Variants in GLRA3 observed in about 807,000 individuals in gnomAD.
The protein encoded by GLRA3 is glycine receptor subunit alpha-3.
Under a neutral mutation model 60.4 loss-of-function variants are expected in GLRA3, and 44 were observed. The observed-to-expected ratio is 0.73, with a 90% CI of 0.57 to 0.94. GLRA3 has a LOEUF of 0.94. Ranked by LOEUF, GLRA3 falls within the 40% of genes least tolerant of loss-of-function variation. GLRA3 has a pLI of 0.00. For missense variants in GLRA3, 508 were observed against 564.6 expected (o/e 0.90, Z 1.02); for synonymous variants, 223 against 192.9 (o/e 1.16, Z -1.29).
At chr4:174,797,664 T>C (rs566953564) in intron 1 of GLRA3, among the ~76,000 whole-genome samples, 1 of 152,164 alleles carries the variant, frequency 6.6e-6, no homozygotes, top group East Asian at 1.9e-4. Flanking sequence ...GCTGGGTGCA[T>C]TGGCTCACAC....
chr4:174,733,609 C>A (rs184674255), intron 3 of GLRA3, among the ~76,000 whole-genome samples: 2 of 152,318 alleles, frequency 1.3e-5, no homozygotes, highest in Admixed American at 1.3e-4. Flanking sequence ...GAAACCATCT[C>A]TATAGCCCAA....
At chr4:174,815,990 G>T (rs1255284322) in intron 1 of GLRA3, among the ~76,000 whole-genome samples, 1 of 152,100 alleles carries the variant, frequency 6.6e-6, no homozygotes, top group Admixed American at 6.5e-5. Flanking sequence ...CTTTTATGTT[G>T]TCTCCCTTTT....
chr4:174,662,398 G>C (rs1428592374), intron 7 of GLRA3, among the ~76,000 whole-genome samples: 1 of 152,124 alleles, frequency 6.6e-6, no homozygotes, highest in African/African-American at 2.4e-5. Flanking sequence ...GTGGATCTGG[G>C]AGAACAGAAT....
intron 7 of GLRA3, among the ~76,000 whole-genome samples, chr4:174,676,225 ATT>A (rs1168981444): frequency 6.6e-6 from 1 of 152,110 alleles, no homozygotes; most frequent in Non-Finnish European, 1.5e-5. Flanking sequence ...GAACAATTTT[ATT>A]TTAATTCTGG....
At chr4:174,689,731 A>T in intron 5 of GLRA3, among the ~76,000 whole-genome samples, 1 of 143,706 alleles carries the variant, frequency 7.0e-6, no homozygotes, top group Non-Finnish European at 1.5e-5. Flanking sequence ...GCCCCACTTA[A>T]AAGGCACAGA....
chr4:174,649,836 TAA>T (rs928051350), intron 9 of GLRA3, among the ~76,000 whole-genome samples: 1 of 144,262 alleles, frequency 6.9e-6, no homozygotes, highest in African/African-American at 2.7e-5. Flanking sequence ...GTCTCATTGG[TAA>T]AAAAAAAAGT....
At chr4:174,743,104 A>G (rs188899873) in intron 3 of GLRA3, among the ~76,000 whole-genome samples, 1 of 152,318 alleles carries the variant, frequency 6.6e-6, no homozygotes, top group Admixed American at 6.5e-5. Context: ...GTTGCAGAAA[A>G]TAAGAGTTTC....
intron 5 of GLRA3, among the ~76,000 whole-genome samples, chr4:174,699,632 A>C (rs1048009623): frequency 6.6e-6 from 1 of 152,270 alleles, no homozygotes; most frequent in African/African-American, 2.4e-5. Context: ...AATGTGGTAT[A>C]TCTTTTGGAT....
intron 2 of GLRA3, among the ~76,000 whole-genome samples, chr4:174,779,620 G>T (rs1738781087): frequency 6.6e-6 from 1 of 152,156 alleles, no homozygotes; most frequent in Non-Finnish European, 1.5e-5. Flanking sequence ...GTGCTTAAAG[G>T]AGCTGACGGA....
intron 5 of GLRA3, chr4:174,712,727 A>G (rs1735757658): frequency 1.3e-5 from 2 of 151,954 alleles, no homozygotes; most frequent in South Asian, 4.1e-4. Flanking sequence ...CCAGTAGGTT[A>G]AACTCTTTTT....
Position 174,815,595 on chromosome 4 carries a change from G to A in GLRA3, c.71+13146C>T, listed in dbSNP as rs115779443. 4.9e-3 allele frequency among the ~76,000 whole-genome samples: 739 copies of A among 152,210 alleles called. 4 individuals are homozygous for A. Among genetic ancestry groups the A allele is most frequent in the African/African-American group, 0.016 (657 of 41,534 alleles). On this transcript the variant is annotated intron_variant, in intron 1 of 9. Transcript: ENST00000274093. ...TCCCAAACATCAGTTCTTGACTTGC[G>A]TGCACCCACATGCTCAACACCACAT...
At chr4:174,815,341 G>C (rs761455675) in intron 1 of GLRA3, among the ~76,000 whole-genome samples, 2 of 152,162 alleles carry the variant, frequency 1.3e-5, no homozygotes, top group Non-Finnish European at 2.9e-5. Flanking sequence ...CAGGTGCTCA[G>C]AGCAAGCTGT....
intron 5 of GLRA3, among the ~76,000 whole-genome samples, chr4:174,711,465 G>C (rs1413766586): frequency 6.8e-6 from 1 of 147,388 alleles, no homozygotes; most frequent in African/African-American, 2.5e-5. Flanking sequence ...TTTTTAGAGA[G>C]AGTCTCACTC....
At position 174,728,616 on chromosome 4, in the gene GLRA3, T is replaced by G. The variant is rs1481446062; in HGVS notation, c.350A>C (p.Asp117Ala). ...AYSEYPDDSL[D>A]LDPSMLDSIW... ...GGAGTCCAACATGGAGGGGTCGAGG[T>G]CTAAAGAGTCGTCAGGATATTCACT... is the stretch of plus-strand genomic sequence containing the variant. The change falls in exon 4 of 10, where the codon GAC becomes GCC. Residue 117 changes from aspartate (D) to alanine (A), a missense_variant. This residue lies in a region of GLRA3 where 329 missense variants were observed against 349.3 expected (regional missense o/e 0.94). Transcript: ENST00000274093. 2.5e-6 allele frequency: 4 copies of G among 1,612,506 alleles called. No homozygotes were observed. The East Asian group carries it at 8.9e-5, about 36-fold the overall frequency.
intron 5 of GLRA3, among the ~76,000 whole-genome samples, chr4:174,689,785 A>AAAAAAAAAAAAG (rs1734718419): frequency 7.3e-6 from 1 of 137,806 alleles, no homozygotes; most frequent in African/African-American, 2.8e-5. Context: ...AAAAAAAAAA[A>AAAAAAAAAAAAG]GCAAGACCTA....
At chr4:174,795,696 A>G (rs983075425) in intron 1 of GLRA3, among the ~76,000 whole-genome samples, 16 of 152,178 alleles carry the variant, frequency 1.1e-4, no homozygotes, top group African/African-American at 3.4e-4. Flanking sequence ...ATGATTTTTG[A>G]GTTCTTATGT....
chr4:174,723,325 C>T (rs1399166021), intron 4 of GLRA3, among the ~76,000 whole-genome samples: 3 of 151,968 alleles, frequency 2.0e-5, no homozygotes, highest in East Asian at 3.9e-4. Context: ...TTAGGATGGA[C>T]GGAATTAAGC....
chr4:174,646,552 A>G (rs755052810), intron 9 of GLRA3, among the ~76,000 whole-genome samples: 1 of 152,180 alleles, frequency 6.6e-6, no homozygotes, highest in Admixed American at 6.5e-5. Flanking sequence ...CCTTTGGCCC[A>G]TGTGACTAGA....
intron 3 of GLRA3, among the ~76,000 whole-genome samples, chr4:174,753,684 G>A (rs138035172): frequency 2.6e-5 from 4 of 152,186 alleles, no homozygotes; most frequent in East Asian, 3.9e-4. Flanking sequence ...TGATCTCTAC[G>A]ATACCTTCCT....
Sources: gnomAD v4.1 joint callset for allele counts (sites outside exome capture counted in the v4.1 genomes callset) on GRCh38, gnomAD v4.1.1 for gene constraint, gnomAD v4.1.1 regional missense constraint, MANE v1.5 for transcripts, NCBI Gene and HGNC (gene_info 2026-07-23, HGNC 2026-07-21) for gene names.